KLHL32: variants seen among roughly 807,000 people sequenced by gnomAD.
KLHL32 encodes the protein kelch like family member 32.
In KLHL32, 35 loss-of-function variants were observed where a neutral mutation model predicts 64.8. That is an observed-to-expected ratio of 0.54 (90% CI 0.41 to 0.72). The LOEUF (loss-of-function observed/expected upper bound fraction) is 0.72, where lower values mean the gene tolerates loss of function less well. Ranked by LOEUF, KLHL32 falls within the 30% of genes least tolerant of loss-of-function variation. The pLI is 0.00. For missense variants in KLHL32, 589 were observed against 768.5 expected (o/e 0.77, Z 2.76); for synonymous variants, 259 against 281.0 (o/e 0.92, Z 0.78).
chr6:97,110,419 G>A (rs1051386063), intron 6 of KLHL32, among the ~76,000 whole-genome samples: 2 of 152,066 alleles, frequency 1.3e-5, no homozygotes, highest in African/African-American at 2.4e-5. Context: ...TCACTTCCAC[G>A]TTCACTTCAT....
intron 6 of KLHL32, among the ~76,000 whole-genome samples, chr6:97,112,572 G>A (rs1338363859): frequency 1.3e-5 from 2 of 151,428 alleles, no homozygotes; most frequent in Non-Finnish European, 2.9e-5. Flanking sequence ...TCAGCCTCCC[G>A]AGTAGCTGGG....
intron 3 of KLHL32, among the ~76,000 whole-genome samples, chr6:97,006,856 C>A (rs1779726745): frequency 6.6e-6 from 1 of 152,150 alleles, no homozygotes; most frequent in African/African-American, 2.4e-5. Context: ...GGTGAAAGGT[C>A]CACTGTTAGC....
upstream of KLHL32, among the ~76,000 whole-genome samples, chr6:96,921,506 C>T (rs1440289393): frequency 6.6e-6 from 1 of 152,132 alleles, no homozygotes; most frequent in Non-Finnish European, 1.5e-5. Context: ...GAACATCAGC[C>T]AAAAATCAAT....
At chr6:97,039,598 GATCACA>G (rs2128125603) in intron 3 of KLHL32, among the ~76,000 whole-genome samples, 1 of 116,098 alleles carries the variant, frequency 8.6e-6, no homozygotes, top group East Asian at 2.2e-4. Flanking sequence ...GAGGCAGGCG[GATCACA>G]AGGTCAGGAG....
chr6:96,919,388 T>C, the KLHL32 span, among the ~76,000 whole-genome samples: 17 of 152,206 alleles, frequency 1.1e-4, no homozygotes, highest in Non-Finnish European at 2.2e-4. Context: ...GGAAAGAATA[T>C]GGAATTAGAA....
intron 1 of KLHL32, among the ~76,000 whole-genome samples, chr6:96,943,665 G>T (rs944375580): frequency 6.6e-6 from 1 of 152,184 alleles, no homozygotes; most frequent in Non-Finnish European, 1.5e-5. Flanking sequence ...CTCTTCTTTG[G>T]CTTTGCGGCC....
At position 97,125,378 on chromosome 6, in the gene KLHL32, C is replaced by T. The variant is rs937605558; in HGVS notation, c.1355-2026C>T. 2.0e-5 allele frequency among the ~76,000 whole-genome samples: 3 copies of T among 152,036 alleles called. No homozygotes were observed. The East Asian group carries it at 5.8e-4, about 29-fold the overall frequency. On this transcript the variant is annotated intron_variant, in intron 7 of 10. Coordinates refer to ENST00000369261, the MANE Select transcript of KLHL32 (RefSeq NM_052904.4). Reference sequence around the variant, plus strand: ...TAGCCATGTAGTTGATGGTGGTGACCTATTCAAAGTATTTGAACTGTCAAA... The same window carrying T: ...TAGCCATGTAGTTGATGGTGGTGACTTATTCAAAGTATTTGAACTGTCAAA...
intron 7 of KLHL32, 34 bp from the exon 8 acceptor site, chr6:97,127,370 A>C (rs1310548369): frequency 7.7e-6 from 12 of 1,554,658 alleles, no homozygotes; most frequent in Non-Finnish European, 1.1e-5. Context: ...TTTTTTATTC[A>C]TGAAAAGCTC....
At chr6:97,094,227 G>A (rs1038472041) in intron 6 of KLHL32, among the ~76,000 whole-genome samples, 2 of 152,150 alleles carry the variant, frequency 1.3e-5, no homozygotes, top group South Asian at 4.1e-4. Flanking sequence ...AATTGGCTGT[G>A]TCAGACCATA....
intron 3 of KLHL32, among the ~76,000 whole-genome samples, chr6:97,014,294 CA>C (rs778174425): frequency 0.1 from 9,881 of 94,274 alleles, 676 homozygotes; most frequent in African/African-American, 0.24. Flanking sequence ...GACTCCGTCT[CA>C]AAAAAAAAAA....
intron 5 of KLHL32, among the ~76,000 whole-genome samples, chr6:97,079,969 A>T (rs1197387573): frequency 1.3e-5 from 2 of 152,324 alleles, no homozygotes; most frequent in South Asian, 2.1e-4. Context: ...TACATTTTTA[A>T]GTCACAGAAT....
At chr6:96,964,749 TATAGGGA>T (rs1774266333) in intron 1 of KLHL32, among the ~76,000 whole-genome samples, 1 of 152,174 alleles carries the variant, frequency 6.6e-6, no homozygotes, top group Non-Finnish European at 1.5e-5. Flanking sequence ...ATATGGAGGA[TATAGGGA>T]ATAATAAATA....
the KLHL32 span, among the ~76,000 whole-genome samples, chr6:96,919,365 C>T: frequency 1.3e-5 from 2 of 152,030 alleles, no homozygotes; most frequent in African/African-American, 4.8e-5. Flanking sequence ...TTAAAGAGAA[C>T]GGGAAAGGGT....
intron 3 of KLHL32, chr6:96,994,519 G>A: frequency 1.0e-6 from 1 of 985,286 alleles, no homozygotes; most frequent in Non-Finnish European, 1.2e-6. Flanking sequence ...TTATTTTGAA[G>A]CTCAAGTAAT....
intron 4 of KLHL32, among the ~76,000 whole-genome samples, chr6:97,055,349 T>A (rs1434938955): frequency 6.6e-6 from 1 of 152,190 alleles, no homozygotes; most frequent in Non-Finnish European, 1.5e-5. Context: ...TCTTTTACAG[T>A]GGGAGGGGTA....
At chr6:97,127,592 G>A in intron 8 of KLHL32, 130 bp downstream of exon 8, 1 of 783,992 alleles carries the variant, frequency 1.3e-6, no homozygotes, top group Non-Finnish European at 2.1e-6. Flanking sequence ...AGAAAAGGAA[G>A]CATCTGAATA....
intron 7 of KLHL32, among the ~76,000 whole-genome samples, chr6:97,115,992 C>CTGTT (rs25637): frequency 0.57 from 86,719 of 151,674 alleles, 26,418 homozygotes; most frequent in African/African-American, 0.79. Context: ...TGGACTTTGA[C>CTGTT]TGTTCTTCTG....
intron 3 of KLHL32, among the ~76,000 whole-genome samples, chr6:96,999,048 A>G (rs1778720860): frequency 6.6e-6 from 1 of 152,240 alleles, no homozygotes; most frequent in African/African-American, 2.4e-5. Flanking sequence ...GAGGCATCTA[A>G]TAGGCAGATT....
At chr6:96,919,056 C>T in the KLHL32 span, among the ~76,000 whole-genome samples, 102 of 152,246 alleles carry the variant, frequency 6.7e-4, no homozygotes, top group African/African-American at 2.3e-3. Context: ...TGTCTCAGCA[C>T]AGTGAGAGAT....
Sources: gnomAD v4.1 joint callset for allele counts (sites outside exome capture counted in the v4.1 genomes callset) on GRCh38, gnomAD v4.1.1 for gene constraint, MANE v1.5 for transcripts, NCBI Gene and HGNC (gene_info 2026-07-23, HGNC 2026-07-21) for gene names.